The following FOCAD variants were observed in gnomAD, a reference collection of about 807,000 sequenced individuals.
FOCAD encodes the protein KIAA1797.
In FOCAD, 198 loss-of-function variants were observed where a neutral mutation model predicts 225.6. That is an observed-to-expected ratio of 0.88 (90% CI 0.78 to 0.99). FOCAD has a LOEUF of 0.99. Ranked by LOEUF, FOCAD falls within the 50% of genes least tolerant of loss-of-function variation. The probability of loss-of-function intolerance (pLI) is 0.00; values close to 1 mark genes in which losing one functional copy is unlikely to be tolerated. For missense variants in FOCAD, 2,713 were observed against 2,123.6 expected, an observed-to-expected ratio of 1.28 and a Z score of -5.46; for synonymous variants, 897 against 755.0, an observed-to-expected ratio of 1.19 and a Z score of -3.08.
At chr9:20,961,502 T>C (rs1037393757) in intron 35 of FOCAD, among the ~76,000 whole-genome samples, 4 of 152,184 alleles carry the variant, frequency 2.6e-5, no homozygotes, top group Non-Finnish European at 4.4e-5. Flanking sequence ...AGCTAACATC[T>C]GTGTGCAAAG....
At chr9:20,925,043 G>A (rs1006592865) in intron 25 of FOCAD, among the ~76,000 whole-genome samples, 2 of 152,188 alleles carry the variant, frequency 1.3e-5, no homozygotes, top group East Asian at 3.8e-4. Flanking sequence ...AATAGGTGCT[G>A]TGTGGCAAAA....
At position 20,720,516 on chromosome 9, in the gene FOCAD, A is replaced by G. The variant is rs757992816; in HGVS notation, c.269A>G (p.Asn90Ser). ...AGCTATGTTCTCAATGGGATACTCA[A>G]CTTGATTCCATCAACCAGGTACTTT... ...EFSYVLNGIL[N>S]LIPSTRNTHG... is the part of the protein sequence containing the mutation. Residue 90 changes from asparagine (N) to serine (S), a missense_variant, in exon 4 of 44, where the codon AAC becomes AGC. Physicochemically the swap from Asn to Ser is conservative, Grantham distance 46. Coordinates refer to ENST00000338382, the MANE Select transcript of FOCAD (RefSeq NM_001375567.1). 1.2e-6 allele frequency: 2 copies of G among 1,613,930 alleles called. No individual in the cohort carries two copies. Among genetic ancestry groups the G allele is most frequent in the Non-Finnish European group, 1.7e-6 (2 of 1,179,916 alleles).
intron 15 of FOCAD, among the ~76,000 whole-genome samples, chr9:20,841,562 A>G (rs1180652968): frequency 2.6e-5 from 4 of 151,828 alleles, no homozygotes; most frequent in Admixed American, 6.6e-5. Context: ...GCTCATTGGT[A>G]GCCTCTACTG....
chr9:20,773,886 A>T (rs539895676), intron 8 of FOCAD, among the ~76,000 whole-genome samples: 1 of 152,106 alleles, frequency 6.6e-6, no homozygotes, highest in Non-Finnish European at 1.5e-5. Flanking sequence ...GTGGTCCCCA[A>T]TGCCTGGGCC....
chr9:20,804,271 A>C (rs892300768), intron 11 of FOCAD, among the ~76,000 whole-genome samples: 29 of 152,038 alleles, frequency 1.9e-4, no homozygotes, highest in Non-Finnish European at 1.5e-5. Context: ...GCTATAATCA[A>C]GTATGCCCAT....
chr9:20,870,584 C>T (rs1305835059), intron 18 of FOCAD, among the ~76,000 whole-genome samples: 2 of 152,160 alleles, frequency 1.3e-5, no homozygotes, highest in African/African-American at 4.8e-5. Flanking sequence ...TTTTCTCAGG[C>T]TAGGCTAAGA....
chr9:20,726,982 G>T (rs1826249320), intron 4 of FOCAD, among the ~76,000 whole-genome samples: 1 of 152,166 alleles, frequency 6.6e-6, no homozygotes, highest in Non-Finnish European at 1.5e-5. Context: ...TTAATCTGCA[G>T]CTGGGGTGTC....
chr9:20,858,492 C>T (rs1564079316), intron 15 of FOCAD, among the ~76,000 whole-genome samples: 1 of 151,912 alleles, frequency 6.6e-6, no homozygotes, highest in South Asian at 2.1e-4. Flanking sequence ...TGAATGTTCT[C>T]TCTTTTTTTC....
chr9:20,991,564 G>A (rs904136913), intron 42 of FOCAD, among the ~76,000 whole-genome samples: 2 of 152,060 alleles, frequency 1.3e-5, no homozygotes, highest in African/African-American at 4.8e-5. Flanking sequence ...TAGAATCCCA[G>A]CACTTTGGGA....
In FOCAD at chr9:20,824,310, C is replaced by A. The variant is rs181299318; in HGVS notation, c.1920+1195C>A. 2.0e-5 allele frequency among the ~76,000 whole-genome samples: 3 copies of A among 152,128 alleles called. No individual in the cohort carries two copies. The East Asian group carries it at 5.8e-4, about 29-fold the overall frequency. ...ACCAGTTTTGAGAGAAGAAAGAATT[C>A]TAAACTTTCACCACCAAAAGGTGAC... On this transcript the variant is annotated intron_variant, in intron 15 of 43. Coordinates refer to ENST00000338382, the MANE Select transcript of FOCAD (RefSeq NM_001375567.1).
chr9:20,979,330 T>C (rs930571067), intron 37 of FOCAD, among the ~76,000 whole-genome samples: 11 of 152,108 alleles, frequency 7.2e-5, no homozygotes, highest in African/African-American at 2.2e-4. Flanking sequence ...TATTCAGCCT[T>C]GTTTCTGTTT....
chr9:20,797,092 T>A (rs940168280), intron 11 of FOCAD, among the ~76,000 whole-genome samples: 1 of 152,186 alleles, frequency 6.6e-6, no homozygotes, highest in African/African-American at 2.4e-5. Context: ...CCATTTCTTG[T>A]TTTTTGTGAG....
intron 5 of FOCAD, among the ~76,000 whole-genome samples, chr9:20,757,857 G>A (rs1176748158): frequency 6.6e-6 from 1 of 152,160 alleles, no homozygotes; most frequent in Non-Finnish European, 1.5e-5. Flanking sequence ...GGATCTCTGA[G>A]GCTCCTGTGT....
upstream of FOCAD, among the ~76,000 whole-genome samples, chr9:20,679,795 A>C (rs1822346855): frequency 6.6e-6 from 1 of 152,246 alleles, no homozygotes; most frequent in Non-Finnish European, 1.5e-5. Flanking sequence ...ATGTCTAGAA[A>C]ATACAGATTT....
At chr9:20,948,009 T>A (rs563184309) in intron 30 of FOCAD, among the ~76,000 whole-genome samples, 6 of 152,248 alleles carry the variant, frequency 3.9e-5, no homozygotes, top group African/African-American at 1.4e-4. Context: ...TGCTCAATAG[T>A]GCAGTATTAC....
At chr9:20,699,189 C>G (rs1823634514) in intron 1 of FOCAD, among the ~76,000 whole-genome samples, 1 of 152,124 alleles carries the variant, frequency 6.6e-6, no homozygotes, top group Non-Finnish European at 1.5e-5. Flanking sequence ...GATAACCTTT[C>G]TATCAGTTTG....
At chr9:20,969,987 G>A (rs998319351) in intron 35 of FOCAD, among the ~76,000 whole-genome samples, 1 of 55,560 alleles carries the variant, frequency 1.8e-5, no homozygotes, top group Non-Finnish European at 3.8e-5. Flanking sequence ...ATTTTTCGAT[G>A]ACAGTTTTTT....
At chr9:20,958,569 G>C (rs1273969393) in intron 35 of FOCAD, among the ~76,000 whole-genome samples, 1 of 151,988 alleles carries the variant, frequency 6.6e-6, no homozygotes, top group Admixed American at 6.6e-5. Context: ...CTAGCTACTT[G>C]AAACTATGTA....
chr9:20,829,104 C>T (rs534706759), intron 15 of FOCAD, among the ~76,000 whole-genome samples: 10 of 152,068 alleles, frequency 6.6e-5, no homozygotes, highest in South Asian at 2.1e-4. Context: ...AATATACGTG[C>T]GCATGTGTCT....
Sources: allele counts gnomAD v4.1 joint callset (sites outside exome capture counted in the v4.1 genomes callset), GRCh38; gene constraint gnomAD v4.1.1; transcripts MANE v1.5; gene names NCBI Gene and HGNC (gene_info 2026-07-23, HGNC 2026-07-21).